KCNB2: variants seen among roughly 807,000 people sequenced by gnomAD.
The protein encoded by KCNB2 is potassium voltage-gated channel subfamily B member 2, also known as delayed rectifier potassium channel protein.
In KCNB2, 15 loss-of-function variants were observed where a neutral mutation model predicts 61.5. The ratio of observed to expected loss-of-function variants is 0.24; its 90% confidence interval spans 0.16 to 0.38. The LOEUF (loss-of-function observed/expected upper bound fraction) is 0.38. KCNB2 is among the 10% of genes least tolerant of loss of function. The probability of loss-of-function intolerance (pLI) is 1.00; values close to 1 mark genes in which losing one functional copy is unlikely to be tolerated. For synonymous variants in KCNB2, 457 were observed against 446.0 expected (o/e 1.02, Z -0.31); for missense variants, 828 against 1,125.2 (o/e 0.74, Z 3.78).
chr8:72,715,193 C>G (rs1371277094), intron 2 of KCNB2, among the ~76,000 whole-genome samples: 1 of 152,196 alleles, frequency 6.6e-6, no homozygotes, highest in Non-Finnish European at 1.5e-5. Flanking sequence ...GAGACTTAGA[C>G]TCCCACACAA....
chr8:72,701,704 A>G (rs141929979), intron 2 of KCNB2, among the ~76,000 whole-genome samples: 2 of 152,336 alleles, frequency 1.3e-5, no homozygotes, highest in East Asian at 1.9e-4. Flanking sequence ...AGATTCAGGT[A>G]TAAGGACATT....
At chr8:72,916,027 T>C (rs1257040359) in intron 2 of KCNB2, among the ~76,000 whole-genome samples, 2 of 152,120 alleles carry the variant, frequency 1.3e-5, no homozygotes, top group African/African-American at 4.8e-5. Flanking sequence ...GAGGGACCAA[T>C]TGATTTGTAA....
chr8:72,570,715 T>G (rs545308736), intron 2 of KCNB2, among the ~76,000 whole-genome samples: 1 of 152,190 alleles, frequency 6.6e-6, no homozygotes, highest in Admixed American at 6.5e-5. Context: ...TACTTTATTG[T>G]ATGGGTACAT....
At chr8:72,854,694 T>G (rs1177247427) in intron 2 of KCNB2, among the ~76,000 whole-genome samples, 1 of 152,038 alleles carries the variant, frequency 6.6e-6, no homozygotes, top group South Asian at 2.1e-4. Context: ...CAGAGGAAGC[T>G]TCCCAAAAAA....
At chr8:72,659,125 T>C (rs1267024481) in intron 2 of KCNB2, among the ~76,000 whole-genome samples, 3 of 152,168 alleles carry the variant, frequency 2.0e-5, no homozygotes, top group African/African-American at 7.2e-5. Context: ...GCAAAGTAAA[T>C]TGAAAACCTT....
At chr8:72,781,945 A>G (rs528104476) in intron 2 of KCNB2, among the ~76,000 whole-genome samples, 1 of 151,954 alleles carries the variant, frequency 6.6e-6, no homozygotes, top group Non-Finnish European at 1.5e-5. Context: ...GGAACAACAT[A>G]CCCTGGAATC....
intron 2 of KCNB2, among the ~76,000 whole-genome samples, chr8:72,841,303 T>C (rs1315082987): frequency 3.8e-5 from 3 of 79,886 alleles, no homozygotes; most frequent in African/African-American, 1.2e-4. Flanking sequence ...TTGGTTACTA[T>C]AGCCCTGTAG....
intron 2 of KCNB2, among the ~76,000 whole-genome samples, chr8:72,708,908 A>T (rs1353082023): frequency 1.3e-5 from 2 of 152,216 alleles, no homozygotes; most frequent in African/African-American, 4.8e-5. Flanking sequence ...CCTTAGTTAC[A>T]TGAGAGATTT....
chr8:72,618,897 G>T, intron 2 of KCNB2: 1 of 304,730 alleles, frequency 3.3e-6, no homozygotes, highest in Non-Finnish European at 6.5e-6. Context: ...CAGTTTCTCT[G>T]ATACCGCTAC....
intron 2 of KCNB2, among the ~76,000 whole-genome samples, chr8:72,728,952 A>G (rs1383774403): frequency 3.3e-5 from 5 of 152,364 alleles, no homozygotes; most frequent in South Asian, 2.1e-4. Context: ...ACAAGAGTAC[A>G]ACGTTAAAGA....
At chr8:72,763,459 C>T (rs750879770) in intron 2 of KCNB2, among the ~76,000 whole-genome samples, 2 of 152,074 alleles carry the variant, frequency 1.3e-5, no homozygotes, top group African/African-American at 2.4e-5. Context: ...AGATGGGCAT[C>T]GGACAGATGC....
rs58404942 is a variant in KCNB2, at chr8:72,662,196, G to A, written c.579+93883G>A. ...GTCTCAGGGCTCTGGCAGCACTACTGCCTCCTGGCATTGATCTCCAGGGCC... is the reference window on the plus strand; with the variant it reads ...GTCTCAGGGCTCTGGCAGCACTACTACCTCCTGGCATTGATCTCCAGGGCC... On this transcript the variant is annotated intron_variant, in intron 2 of 2. Coordinates refer to ENST00000523207, the MANE Select transcript of KCNB2 (RefSeq NM_004770.3). 8.0e-3 allele frequency among the ~76,000 whole-genome samples: 1,213 copies of A among 152,228 alleles called. 14 individuals are homozygous for A. Among genetic ancestry groups the A allele is most frequent in the African/African-American group, 0.027 (1,135 of 41,552 alleles).
chr8:72,850,215 GT>G (rs1810073520), intron 2 of KCNB2, among the ~76,000 whole-genome samples: 1 of 36,894 alleles, frequency 2.7e-5, no homozygotes, highest in Non-Finnish European at 7.8e-5. Flanking sequence ...GTGTGTGTGT[GT>G]GTGTATGTGT....
chr8:72,537,304 G>A lies in KCNB2; in HGVS notation c.-675G>A, dbSNP rs1478561960. 1 of 152,204 alleles carries A rather than the reference G, an allele frequency of 6.6e-6. No homozygotes were observed. Among genetic ancestry groups the A allele is most frequent in the Non-Finnish European group, 1.5e-5 (1 of 67,876 alleles). The allele number at this position is 152,204 out of a possible 1,614,324, so 9.4% of individuals were successfully genotyped here. On this transcript the variant is annotated 5_prime_UTR_variant, in exon 1 of 3. Coordinates refer to ENST00000523207, the MANE Select transcript of KCNB2 (RefSeq NM_004770.3). Reference sequence around the variant, plus strand: ...CAGAGCGCCCCGCCTAGCCTCCCGCGCGCAGCCTCTACCCTGCTCCGCCAC... The same window carrying A: ...CAGAGCGCCCCGCCTAGCCTCCCGCACGCAGCCTCTACCCTGCTCCGCCAC...
chr8:72,800,791 G>A (rs143658450), intron 2 of KCNB2, among the ~76,000 whole-genome samples: 288 of 152,282 alleles, frequency 1.9e-3, no homozygotes, highest in Admixed American at 5.0e-3. Flanking sequence ...TGTTTCTGAA[G>A]TGACACTTTG....
intron 2 of KCNB2, among the ~76,000 whole-genome samples, chr8:72,617,454 A>G (rs971045014): frequency 2.0e-5 from 3 of 151,968 alleles, no homozygotes; most frequent in African/African-American, 7.3e-5. Context: ...TCTCCATCCA[A>G]CTCCAGAGAG....
intron 2 of KCNB2, among the ~76,000 whole-genome samples, chr8:72,664,637 CAT>C (rs1421395222): frequency 6.6e-6 from 1 of 152,194 alleles, no homozygotes. Context: ...CATTAACACA[CAT>C]AACAAATCTT....
At chr8:72,625,484 G>A (rs1380204602) in intron 2 of KCNB2, among the ~76,000 whole-genome samples, 1 of 152,108 alleles carries the variant, frequency 6.6e-6, no homozygotes, top group Non-Finnish European at 1.5e-5. Context: ...AGGCTGGAGT[G>A]CAGTGGCGCA....
At chr8:72,719,592 T>C (rs895090107) in intron 2 of KCNB2, among the ~76,000 whole-genome samples, 1 of 152,156 alleles carries the variant, frequency 6.6e-6, no homozygotes, top group African/African-American at 2.4e-5. Flanking sequence ...CTTTTCTATC[T>C]GCCTAAGTCA....
Sources: allele counts gnomAD v4.1 joint callset (sites outside exome capture counted in the v4.1 genomes callset), GRCh38; gene constraint gnomAD v4.1.1; transcripts MANE v1.5; gene names NCBI Gene and HGNC (gene_info 2026-07-23, HGNC 2026-07-21).